STARD13: variants seen among roughly 807,000 people sequenced by gnomAD.
STARD13 encodes the protein stAR-related lipid transfer protein 13.
Under a neutral mutation model 106.4 loss-of-function variants are expected in STARD13, and 62 were observed. That is an observed-to-expected ratio of 0.58 (90% CI 0.48 to 0.72). The LOEUF is 0.72. Ranked by LOEUF, STARD13 falls within the 30% of genes least tolerant of loss-of-function variation. The probability of loss-of-function intolerance (pLI) is 0.00; values close to 1 mark genes in which losing one functional copy is unlikely to be tolerated. For missense variants in STARD13, 1,387 were observed against 1,424.0 expected, an observed-to-expected ratio of 0.97 and a Z score of 0.42; for synonymous variants, 565 against 553.0, an observed-to-expected ratio of 1.02 and a Z score of -0.31.
chr13:33,329,722 GA>G (rs1168294871), intron 1 of STARD13, among the ~76,000 whole-genome samples: 2 of 92,416 alleles, frequency 2.2e-5, no homozygotes, highest in Middle Eastern at 7.1e-3. Flanking sequence ...TTTTTTTTTT[GA>G]GACAGAATCT....
At chr13:33,195,388 G>T (rs1301808680) in intron 1 of STARD13, among the ~76,000 whole-genome samples, 1 of 152,148 alleles carries the variant, frequency 6.6e-6, no homozygotes, top group Admixed American at 6.5e-5. Context: ...ACATCTCTAG[G>T]CTACTTCATC....
chr13:33,186,130 C>T, intron 1 of STARD13: 1 of 1,372,806 alleles, frequency 7.3e-7, no homozygotes, highest in Non-Finnish European at 9.8e-7. Context: ...CCTGCGAAGC[C>T]TCAGCTGAGA....
intron 1 of STARD13, among the ~76,000 whole-genome samples, chr13:33,257,188 T>C (rs57838963): frequency 0.076 from 11,520 of 152,234 alleles, 732 homozygotes; most frequent in African/African-American, 0.17. Flanking sequence ...CCTGAAGATG[T>C]AGATCTGGGA....
the STARD13 span, among the ~76,000 whole-genome samples, chr13:33,439,212 A>G: frequency 1.3e-5 from 2 of 152,256 alleles, no homozygotes; most frequent in Non-Finnish European, 2.9e-5. Context: ...CATAGTCATT[A>G]AAATAAGATT....
chr13:33,323,994 A>G (rs1461388695), intron 1 of STARD13, among the ~76,000 whole-genome samples: 1 of 152,078 alleles, frequency 6.6e-6, no homozygotes, highest in Non-Finnish European at 1.5e-5. Context: ...AGAGGTTAAG[A>G]AAAAAAATGC....
chr13:33,285,664 C>T lies in STARD13; in HGVS notation c.-26G>A, dbSNP rs773054782. 1.2e-6 allele frequency: 2 copies of T among 1,609,942 alleles called. No homozygotes were observed. Among genetic ancestry groups the T allele is most frequent in the South Asian group, 1.1e-5 (1 of 90,536 alleles). On this transcript the variant is annotated 5_prime_UTR_variant, in exon 1 of 14. Transcript: ENST00000336934. The stretch of plus-strand genomic sequence containing the variant: ...CTCGGCAGATTTCCTATTGCCACCT[C>T]AGTCTGCCTGTGGCTGTTGCCGTCT...
At chr13:33,308,971 C>T (rs1275984066) in intron 1 of STARD13, among the ~76,000 whole-genome samples, 2 of 152,178 alleles carry the variant, frequency 1.3e-5, no homozygotes, top group Admixed American at 1.3e-4. Flanking sequence ...CAGCAAGAGC[C>T]CCAGTGAACC....
rs181080424 is a variant in STARD13 at position 33,255,107 on chromosome 13, C to A, written c.169+30363G>T. 1.3e-3 allele frequency among the ~76,000 whole-genome samples: 189 copies of A among 151,154 alleles called. 1 individual carries two copies. Among genetic ancestry groups the A allele is most frequent in the African/African-American group, 2.2e-3 (91 of 40,714 alleles). The stretch of plus-strand genomic sequence containing the variant: ...CTGTCCATCTGTGTGCTCCCCCCCC[C>A]CTCAGAGGCTTGATCAGGTTCAGAG... On this transcript the variant is annotated intron_variant, in intron 1 of 13. Coordinates refer to ENST00000336934, the MANE Select transcript of STARD13 (RefSeq NM_178006.4).
chr13:33,213,286 C>A (rs1460045746), intron 1 of STARD13, among the ~76,000 whole-genome samples: 1 of 152,058 alleles, frequency 6.6e-6, no homozygotes, highest in East Asian at 1.9e-4. Flanking sequence ...TACACTCTGG[C>A]TTATATTACC....
the STARD13 span, among the ~76,000 whole-genome samples, chr13:33,616,054 G>A: frequency 6.6e-6 from 1 of 151,966 alleles, no homozygotes; most frequent in Non-Finnish European, 1.5e-5. Flanking sequence ...TTCTGTCGAG[G>A]AAGCCAGGCA....
At chr13:33,215,288 GGCTCT>G (rs1887977409) in intron 1 of STARD13, among the ~76,000 whole-genome samples, 1 of 152,082 alleles carries the variant, frequency 6.6e-6, no homozygotes, top group Non-Finnish European at 1.5e-5. Flanking sequence ...TTGCAGCTTG[GGCTCT>G]GCTCTGCCCA....
chr13:33,458,394 T>C, the STARD13 span, among the ~76,000 whole-genome samples: 1 of 151,744 alleles, frequency 6.6e-6, no homozygotes, highest in Non-Finnish European at 1.5e-5. Context: ...TGCTTCAGCC[T>C]CCCGCGAAAT....
chr13:33,584,309 G>C, the STARD13 span, among the ~76,000 whole-genome samples: 343 of 152,258 alleles, frequency 2.3e-3, 10 homozygotes, highest in East Asian at 0.057. Flanking sequence ...CTTGGCTTCT[G>C]GGGAGGCCTC....
chr13:33,156,373 C>T (rs997251709), intron 3 of STARD13, among the ~76,000 whole-genome samples: 1 of 152,178 alleles, frequency 6.6e-6, no homozygotes, highest in Non-Finnish European at 1.5e-5. Context: ...TACATTTTCA[C>T]TTTGGTCTTG....
chr13:33,648,779 C>CTT, the STARD13 span, among the ~76,000 whole-genome samples: 2 of 123,892 alleles, frequency 1.6e-5, no homozygotes, highest in Non-Finnish European at 1.7e-5. Context: ...TTTCTTTTCT[C>CTT]TTTCTTTTTT....
At chr13:33,163,842 TA>T in intron 3 of STARD13, among the ~76,000 whole-genome samples, 2 of 150,574 alleles carry the variant, frequency 1.3e-5, no homozygotes, top group East Asian at 3.9e-4. Flanking sequence ...TTTCAAATAT[TA>T]AAAAAAGCCA....
chr13:33,629,207 G>GACT, the STARD13 span, among the ~76,000 whole-genome samples: 23 of 152,310 alleles, frequency 1.5e-4, no homozygotes, highest in Non-Finnish European at 2.9e-4. Flanking sequence ...ATTACATTTA[G>GACT]AAGTCCTGAT....
the STARD13 span, among the ~76,000 whole-genome samples, chr13:33,385,218 A>AATATGAAT: frequency 7.2e-3 from 241 of 33,568 alleles, 7 homozygotes; most frequent in African/African-American, 0.016. Context: ...AAAGGTTCGG[A>AATATGAAT]ATATATATAT....
the STARD13 span, among the ~76,000 whole-genome samples, chr13:33,588,517 ATT>A: frequency 1.6e-4 from 24 of 152,288 alleles, no homozygotes; most frequent in Admixed American, 1.2e-3. Flanking sequence ...CCTAAAAGAG[ATT>A]TGGGGATTAT....
Sources: allele counts gnomAD v4.1 joint callset (sites outside exome capture counted in the v4.1 genomes callset), GRCh38; gene constraint gnomAD v4.1.1; transcripts MANE v1.5; gene names NCBI Gene and HGNC (gene_info 2026-07-23, HGNC 2026-07-21).